Variants in RAB27B observed in about 807,000 individuals in gnomAD.
The protein encoded by RAB27B is RAB27B, member RAS oncogene family, also known as ras-related protein Rab-27B.
A neutral mutation model predicts 24.6 loss-of-function variants in RAB27B; 15 were observed. The ratio of observed to expected loss-of-function variants is 0.61; its 90% CI spans 0.41 to 0.94. RAB27B has a LOEUF of 0.94. RAB27B is among the 40% of genes least tolerant of loss of function. The probability of loss-of-function intolerance (pLI) is 0.00; values close to 1 mark genes in which losing one functional copy is unlikely to be tolerated. For synonymous variants in RAB27B, 105 were observed against 92.5 expected (o/e 1.14, Z -0.78); for missense variants, 261 against 266.8 (o/e 0.98, Z 0.15).
At position 54,889,608 on chromosome 18, in the gene RAB27B, C is replaced by T. The variant is rs1913287269; in HGVS notation, c.*195C>T. On this transcript the variant is annotated 3_prime_UTR_variant, in exon 6 of 6. Transcript: ENST00000262094. Reference sequence around the variant, plus strand: ...TGACTAGTTATCCCTGAGGCCCTTTCAAACATGATCAAAGATTTCCCAATG... The same window carrying T: ...TGACTAGTTATCCCTGAGGCCCTTTTAAACATGATCAAAGATTTCCCAATG... 2.1e-6 allele frequency: 1 copy of T among 482,110 alleles called. No individual in the cohort carries two copies. The highest frequency in any genetic ancestry group is 3.6e-6 in the Non-Finnish European group (1 of 280,148). The allele number at this position is 482,110 out of a possible 1,614,324, so 29.9% of individuals were successfully genotyped here.
chr18:54,719,907 A>G (rs1036442533), intron 2 of RAB27B, among the ~76,000 whole-genome samples: 2 of 152,122 alleles, frequency 1.3e-5, no homozygotes, highest in African/African-American at 4.8e-5. Flanking sequence ...ACTCATCATT[A>G]CACATGTCTT....
intron 4 of RAB27B, among the ~76,000 whole-genome samples, chr18:54,885,668 A>G (rs1772960178): frequency 6.6e-6 from 1 of 151,960 alleles, no homozygotes; most frequent in South Asian, 2.1e-4. Flanking sequence ...CATGGCCATC[A>G]CCTGATAATG....
chr18:54,745,545 C>A, intron 2 of RAB27B: 1 of 159,288 alleles, frequency 6.3e-6, no homozygotes, highest in South Asian at 1.7e-4. Flanking sequence ...CTCGACTGCT[C>A]AGGCCACCAG....
intron 2 of RAB27B, among the ~76,000 whole-genome samples, chr18:54,776,230 G>A (rs536280278): frequency 6.6e-6 from 1 of 152,366 alleles, no homozygotes; most frequent in South Asian, 2.1e-4. Flanking sequence ...AGCCTGGCTA[G>A]AGGCAGAGAT....
At chr18:54,798,276 G>C (rs1909487286) in intron 2 of RAB27B, among the ~76,000 whole-genome samples, 1 of 152,218 alleles carries the variant, frequency 6.6e-6, no homozygotes. Flanking sequence ...AAGCCAACAG[G>C]AGACCCTGAG....
intron 2 of RAB27B, among the ~76,000 whole-genome samples, chr18:54,794,899 C>T (rs187124428): frequency 6.8e-6 from 1 of 146,890 alleles, no homozygotes; most frequent in East Asian, 2.0e-4. Context: ...TGAAGTTGTC[C>T]TCTAAATTAC....
intron 1 of RAB27B, among the ~76,000 whole-genome samples, chr18:54,866,106 CAG>C (rs747759111): frequency 7.1e-6 from 1 of 141,090 alleles, no homozygotes; most frequent in Non-Finnish European, 1.5e-5. Flanking sequence ...AAAAAAAAAA[CAG>C]AATCACTATG....
At chr18:54,720,174 G>C (rs1909313472) in intron 2 of RAB27B, among the ~76,000 whole-genome samples, 1 of 152,068 alleles carries the variant, frequency 6.6e-6, no homozygotes, top group Admixed American at 6.5e-5. Flanking sequence ...TGGGACTTAA[G>C]CTAAGAAATA....
chr18:54,776,007 T>C (rs1039106949), intron 2 of RAB27B, among the ~76,000 whole-genome samples: 1 of 152,248 alleles, frequency 6.6e-6, no homozygotes, highest in Non-Finnish European at 1.5e-5. Flanking sequence ...GAAAAGATGC[T>C]GGAGTTGTAC....
intron 1 of RAB27B, among the ~76,000 whole-genome samples, chr18:54,835,069 T>C (rs1291803866): frequency 1.3e-5 from 2 of 152,000 alleles, no homozygotes; most frequent in African/African-American, 2.4e-5. Context: ...TCAGTTCTTA[T>C]GGTCTATTAT....
At chr18:54,745,743 T>C (rs944780362) in intron 2 of RAB27B, among the ~76,000 whole-genome samples, 5 of 149,214 alleles carry the variant, frequency 3.4e-5, no homozygotes, top group African/African-American at 9.7e-5. Flanking sequence ...TATTGGGATA[T>C]GTATTCATAA....
chr18:54,871,827 G>A (rs1007729807), intron 1 of RAB27B, among the ~76,000 whole-genome samples: 2 of 143,564 alleles, frequency 1.4e-5, no homozygotes, highest in Non-Finnish European at 3.0e-5. Context: ...TCCAGCCTGG[G>A]CGACAGAGCA....
chr18:54,801,371 T>TA (rs576614589), intron 2 of RAB27B, among the ~76,000 whole-genome samples: 63 of 152,096 alleles, frequency 4.1e-4, no homozygotes, highest in Non-Finnish European at 5.9e-4. Context: ...TCAACATTTA[T>TA]AAAAAAAACT....
At chr18:54,796,707 A>G (rs1217607418) in intron 2 of RAB27B, among the ~76,000 whole-genome samples, 4 of 152,184 alleles carry the variant, frequency 2.6e-5, no homozygotes, top group African/African-American at 9.6e-5. Flanking sequence ...TTATATGGAC[A>G]CAGGATATGA....
At chr18:54,755,825 A>C (rs1033417975) in intron 2 of RAB27B, among the ~76,000 whole-genome samples, 1 of 152,238 alleles carries the variant, frequency 6.6e-6, no homozygotes, top group Non-Finnish European at 1.5e-5. Flanking sequence ...TAGGAAAATC[A>C]TCTTGGTATC....
chr18:54,827,908 T>C (rs571888393), upstream of RAB27B, among the ~76,000 whole-genome samples: 15 of 152,306 alleles, frequency 9.8e-5, no homozygotes, highest in South Asian at 2.9e-3. Flanking sequence ...CAAATACTGG[T>C]TCAATGCCTC....
intron 1 of RAB27B, among the ~76,000 whole-genome samples, chr18:54,866,443 G>A (rs978550666): frequency 6.6e-6 from 1 of 152,206 alleles, no homozygotes; most frequent in African/African-American, 2.4e-5. Flanking sequence ...TTACAGGCAT[G>A]TGCCACCACA....
intron 2 of RAB27B, among the ~76,000 whole-genome samples, chr18:54,732,697 G>A (rs1022775596): frequency 6.6e-6 from 1 of 152,130 alleles, no homozygotes; most frequent in African/African-American, 2.4e-5. Flanking sequence ...TAAGAAATTA[G>A]ATATTAATCA....
chr18:54,834,316 A>G (rs2145189783), intron 1 of RAB27B, among the ~76,000 whole-genome samples: 1 of 152,306 alleles, frequency 6.6e-6, no homozygotes, highest in African/African-American at 2.4e-5. Context: ...TAGACTTCAT[A>G]TATTGGTGGG....
Sources: gnomAD v4.1 joint callset for allele counts (sites outside exome capture counted in the v4.1 genomes callset) on GRCh38, gnomAD v4.1.1 for gene constraint, MANE v1.5 for transcripts, NCBI Gene and HGNC (gene_info 2026-07-23, HGNC 2026-07-21) for gene names.